The following PPM1E variants were observed in gnomAD, a reference collection of about 807,000 sequenced individuals.
PPM1E encodes the protein protein phosphatase, Mg2+/Mn2+ dependent 1E.
In PPM1E, 20 loss-of-function variants were observed where a neutral mutation model predicts 65.9. The observed-to-expected ratio is 0.30, with a 90% confidence interval of 0.21 to 0.44. The LOEUF is 0.44. Among genes scored for constraint, PPM1E ranks in the 20% least tolerant of loss-of-function variants. The pLI, the probability that PPM1E is intolerant of heterozygous loss-of-function variation, is 1.00. For missense variants in PPM1E, 713 were observed against 953.1 expected (o/e 0.75, Z 3.32); for synonymous variants, 352 against 374.9 (o/e 0.94, Z 0.70).
intron 1 of PPM1E, among the ~76,000 whole-genome samples, chr17:58,889,663 A>AGG (rs1267242868): frequency 6.6e-6 from 1 of 152,158 alleles, no homozygotes; most frequent in Non-Finnish European, 1.5e-5. Flanking sequence ...TTTTGACACT[A>AGG]TCCACAATTA....
chr17:58,823,588 T>C (rs568038642), intron 1 of PPM1E, among the ~76,000 whole-genome samples: 9 of 152,174 alleles, frequency 5.9e-5, no homozygotes, highest in Non-Finnish European at 1.2e-4. Flanking sequence ...CCTTAGGAAA[T>C]TGTGTTTTGT....
intron 1 of PPM1E, among the ~76,000 whole-genome samples, chr17:58,902,949 C>T (rs2051514870): frequency 6.6e-6 from 1 of 152,016 alleles, no homozygotes; most frequent in Admixed American, 6.6e-5. Context: ...CTTTGAATTG[C>T]CCAACCTGGT....
intron 1 of PPM1E, among the ~76,000 whole-genome samples, chr17:58,805,994 A>AAAAAAAAAAAC (rs2050309599): frequency 8.5e-6 from 1 of 118,290 alleles, no homozygotes. Flanking sequence ...ACAAAACAAA[A>AAAAAAAAAAAC]CAAAACAAAA....
chr17:58,829,053 T>A (rs2050571948), intron 1 of PPM1E, among the ~76,000 whole-genome samples: 2 of 152,146 alleles, frequency 1.3e-5, no homozygotes, highest in Non-Finnish European at 2.9e-5. Context: ...CTTTTTTCTT[T>A]TTTTTTGAGA....
At chr17:58,927,252 G>A (rs1028766332) in intron 1 of PPM1E, among the ~76,000 whole-genome samples, 2 of 149,712 alleles carry the variant, frequency 1.3e-5, no homozygotes, top group African/African-American at 4.9e-5. Context: ...TCAGCCTCCC[G>A]AGTAGCTGGG....
intron 1 of PPM1E, among the ~76,000 whole-genome samples, chr17:58,916,067 A>G (rs533314350): frequency 1.3e-5 from 2 of 152,048 alleles, no homozygotes; most frequent in Admixed American, 1.3e-4. Flanking sequence ...CTAGACTCAA[A>G]CTCCTGCTCT....
intron 1 of PPM1E, among the ~76,000 whole-genome samples, chr17:58,775,363 A>G (rs2049983577): frequency 6.6e-6 from 1 of 152,144 alleles, no homozygotes; most frequent in Non-Finnish European, 1.5e-5. Context: ...ATAAGTAGCT[A>G]GGATATGAGC....
chr17:58,910,883 AG>A (rs2051619481), intron 1 of PPM1E, among the ~76,000 whole-genome samples: 1 of 152,178 alleles, frequency 6.6e-6, no homozygotes, highest in Non-Finnish European at 1.5e-5. Flanking sequence ...TAAGAAGAAG[AG>A]GGTGCTCTGC....
chr17:58,844,483 G>T (rs1418038508), intron 1 of PPM1E, among the ~76,000 whole-genome samples: 1 of 152,160 alleles, frequency 6.6e-6, no homozygotes, highest in Non-Finnish European at 1.5e-5. Context: ...TACATTGTAT[G>T]ACTGCTGGAT....
chr17:58,799,415 G>C (rs890679968), intron 1 of PPM1E, among the ~76,000 whole-genome samples: 3 of 151,512 alleles, frequency 2.0e-5, no homozygotes, highest in African/African-American at 7.3e-5. Flanking sequence ...CTGAGCAGCT[G>C]GGACCACAGG....
chr17:58,839,459 A>G (rs1301247117), intron 1 of PPM1E, among the ~76,000 whole-genome samples: 5 of 152,192 alleles, frequency 3.3e-5, no homozygotes, highest in Admixed American at 3.3e-4. Flanking sequence ...GATGGGGAGA[A>G]AAGTGCTACC....
intron 1 of PPM1E, among the ~76,000 whole-genome samples, chr17:58,766,462 AGT>A (rs1245136372): frequency 3.3e-5 from 5 of 151,844 alleles, no homozygotes; most frequent in Non-Finnish European, 5.9e-5. Flanking sequence ...AGCCTCCCAA[AGT>A]GCTGGGATTA....
chr17:58,805,570 C>T (rs188737559), intron 1 of PPM1E, among the ~76,000 whole-genome samples: 2 of 151,996 alleles, frequency 1.3e-5, no homozygotes, highest in African/African-American at 4.8e-5. Flanking sequence ...GTCTTTTATC[C>T]CTCACCCCCT....
chr17:58,912,738 T>G (rs1588322), intron 1 of PPM1E, among the ~76,000 whole-genome samples: 1 of 152,012 alleles, frequency 6.6e-6, no homozygotes, highest in African/African-American at 2.4e-5. Context: ...GCCAGGAGAA[T>G]GGACCATGTG....
chr17:58,903,072 T>C (rs1315639888), intron 1 of PPM1E, among the ~76,000 whole-genome samples: 2 of 152,166 alleles, frequency 1.3e-5, no homozygotes, highest in Non-Finnish European at 2.9e-5. Context: ...CCTAAGAATC[T>C]TTTAGGAAAA....
chr17:58,826,587 A>C (rs905566352), intron 1 of PPM1E, among the ~76,000 whole-genome samples: 4 of 152,144 alleles, frequency 2.6e-5, no homozygotes, highest in Non-Finnish European at 4.4e-5. Context: ...TTAACATATC[A>C]ATGTAACTTA....
At chr17:58,788,075 G>A (rs1022870128) in intron 1 of PPM1E, among the ~76,000 whole-genome samples, 1 of 151,830 alleles carries the variant, frequency 6.6e-6, no homozygotes, top group Non-Finnish European at 1.5e-5. Context: ...CCCTGAGATG[G>A]AGTCTTACTC....
In PPM1E at chr17:58,983,852, A is replaced by C. The variant is rs1465683929; in HGVS notation, c.*2821A>C. 6.6e-6 allele frequency: 1 copy of C among 152,646 alleles called. No homozygotes were observed. Among genetic ancestry groups the C allele is most frequent in the Non-Finnish European group, 1.5e-5 (1 of 68,040 alleles). The allele number at this position is 152,646 out of a possible 1,614,324, so 9.5% of individuals were successfully genotyped here. A position where few individuals can be genotyped will look rare whatever the true frequency, so the allele number is the denominator to read the frequency against. ...TAAAATAAATCCAAACAAGAGTGTA[A>C]TATTGGTTAGGGAAACAAACTTCAG... On this transcript the variant is annotated 3_prime_UTR_variant, in exon 7 of 7. Transcript: ENST00000308249.
chr17:58,859,465 GCTT>G (rs2050916601), intron 1 of PPM1E, among the ~76,000 whole-genome samples: 1 of 152,136 alleles, frequency 6.6e-6, no homozygotes, highest in Non-Finnish European at 1.5e-5. Flanking sequence ...AATGGTTTTG[GCTT>G]CTTTTATTTT....
Sources: gnomAD v4.1 joint callset for allele counts (sites outside exome capture counted in the v4.1 genomes callset) on GRCh38, gnomAD v4.1.1 for gene constraint, MANE v1.5 for transcripts, NCBI Gene and HGNC (gene_info 2026-07-23, HGNC 2026-07-21) for gene names.